CDYL: variants seen among roughly 807,000 people sequenced by gnomAD.
CDYL encodes chromodomain Y like.
CDYL carries 8 observed loss-of-function variants against 47.3 expected under a neutral mutation model. That is an observed-to-expected ratio of 0.17 (90% CI 0.10 to 0.31). The LOEUF (loss-of-function observed/expected upper bound fraction) is 0.31. CDYL is among the 10% of genes least tolerant of loss of function. The probability of loss-of-function intolerance (pLI) is 1.00; values close to 1 mark genes in which losing one functional copy is unlikely to be tolerated. For synonymous variants in CDYL, 266 were observed against 265.0 expected, an observed-to-expected ratio of 1.00 and a Z score of -0.04; for missense variants, 471 against 701.4, an observed-to-expected ratio of 0.67 and a Z score of 3.71.
intron 1 of CDYL, among the ~76,000 whole-genome samples, chr6:4,801,781 A>G (rs1226900509): frequency 1.3e-5 from 2 of 152,174 alleles, no homozygotes; most frequent in Non-Finnish European, 2.9e-5. Context: ...TTCAAGCTTT[A>G]TGCCGCCCTA....
chr6:4,880,220 C>G (rs1418335705), intron 1 of CDYL, among the ~76,000 whole-genome samples: 1 of 152,110 alleles, frequency 6.6e-6, no homozygotes, highest in Non-Finnish European at 1.5e-5. Context: ...AACCAGTGAG[C>G]TTTGTACTGT....
chr6:4,796,464 A>G (rs1392406893), intron 1 of CDYL, among the ~76,000 whole-genome samples: 1 of 152,198 alleles, frequency 6.6e-6, no homozygotes, highest in East Asian at 1.9e-4. Flanking sequence ...TGAAGTATTT[A>G]CTATACCCTT....
intron 1 of CDYL, among the ~76,000 whole-genome samples, chr6:4,793,335 G>A (rs970122389): frequency 2.6e-5 from 4 of 152,132 alleles, no homozygotes; most frequent in African/African-American, 7.2e-5. Flanking sequence ...AGTGAGAATC[G>A]GAGTGCTAGT....
intron 2 of CDYL, among the ~76,000 whole-genome samples, chr6:4,903,723 C>G (rs191546366): frequency 6.6e-6 from 1 of 152,324 alleles, no homozygotes; most frequent in Admixed American, 6.5e-5. Flanking sequence ...TTACTTGATT[C>G]ATGTTACTTG....
At chr6:4,852,540 C>CAA (rs1760877219) in intron 1 of CDYL, among the ~76,000 whole-genome samples, 1 of 101,104 alleles carries the variant, frequency 9.9e-6, no homozygotes, top group East Asian at 2.8e-4. Context: ...TCCAATCTTC[C>CAA]TTCCTTCCTT....
At chr6:4,865,517 C>T (rs808597) in intron 1 of CDYL, among the ~76,000 whole-genome samples, 6,652 of 152,202 alleles carry the variant, frequency 0.044, 470 homozygotes, top group African/African-American at 0.15. Flanking sequence ...AATTTATGTT[C>T]GAGTGCTGTT....
intron 1 of CDYL, among the ~76,000 whole-genome samples, chr6:4,885,980 G>A (rs1482356079): frequency 6.6e-6 from 1 of 151,978 alleles, no homozygotes; most frequent in African/African-American, 2.4e-5. Context: ...GGCCCATTCC[G>A]GTTATTTTTT....
chr6:4,930,087 T>C (rs118013418), intron 2 of CDYL, among the ~76,000 whole-genome samples: 3,990 of 152,340 alleles, frequency 0.026, 82 homozygotes, highest in East Asian at 0.039. Context: ...ACTGCTGATA[T>C]GTGCCTGATC....
At chr6:4,885,701 T>C (rs74669434) in intron 1 of CDYL, among the ~76,000 whole-genome samples, 2,203 of 152,338 alleles carry the variant, frequency 0.014, 59 homozygotes, top group African/African-American at 0.05. Context: ...TTAGCTCTTA[T>C]TCTTCTGAAA....
rs183983807 is a variant in CDYL at position 4,817,805 on chromosome 6, C to T, written c.24+40998C>T. Among the ~76,000 whole-genome samples, 38 of 152,284 alleles carry T rather than the reference C, an allele frequency of 2.5e-4. No homozygotes were observed. The East Asian group carries it at 7.3e-3, about 29-fold the overall frequency. ...AATTAGATGAATTTGTCTGTAGTCTCATTGCTTGAGACAAAATATCTTCTA... is the reference window on the plus strand; with the variant it reads ...AATTAGATGAATTTGTCTGTAGTCTTATTGCTTGAGACAAAATATCTTCTA... On this transcript the variant is annotated intron_variant, in intron 1 of 6. Transcript: ENST00000397588.
chr6:4,822,997 C>T (rs12197283), intron 1 of CDYL, among the ~76,000 whole-genome samples: 5,771 of 152,220 alleles, frequency 0.038, 150 homozygotes, highest in Non-Finnish European at 0.061. Context: ...TGTGCTCTGA[C>T]GTAGACATGG....
At chr6:4,817,700 T>G (rs2127447040) in intron 1 of CDYL, among the ~76,000 whole-genome samples, 1 of 152,318 alleles carries the variant, frequency 6.6e-6, no homozygotes, top group East Asian at 1.9e-4. Context: ...CGTTTTTGTA[T>G]TATTCATGAC....
At chr6:4,828,816 T>G (rs1201805462) in intron 1 of CDYL, among the ~76,000 whole-genome samples, 1 of 152,188 alleles carries the variant, frequency 6.6e-6, no homozygotes, top group Admixed American at 6.5e-5. Flanking sequence ...CTTTACTTTC[T>G]ACTTTTCAGA....
At chr6:4,831,673 G>A (rs563550718) in intron 1 of CDYL, among the ~76,000 whole-genome samples, 3,952 of 151,858 alleles carry the variant, frequency 0.026, 169 homozygotes, top group African/African-American at 0.089. Flanking sequence ...CTTGGGCAGT[G>A]TGGCCATTTT....
intron 3 of CDYL, among the ~76,000 whole-genome samples, chr6:4,745,601 A>T (rs1757879870): frequency 6.6e-6 from 1 of 152,102 alleles, no homozygotes; most frequent in Non-Finnish European, 1.5e-5. Context: ...TTAAAAAAAA[A>T]AAGTTAAATA....
At chr6:4,790,870 G>A (rs1758898124) in intron 1 of CDYL, among the ~76,000 whole-genome samples, 2 of 152,178 alleles carry the variant, frequency 1.3e-5, no homozygotes, top group Admixed American at 1.3e-4. Flanking sequence ...CTGTAATGAA[G>A]CACAAAAGAT....
intron 1 of CDYL, among the ~76,000 whole-genome samples, chr6:4,833,455 T>G (rs1760205442): frequency 1.3e-5 from 2 of 151,964 alleles, no homozygotes; most frequent in African/African-American, 4.9e-5. Flanking sequence ...TTACAATTTC[T>G]GTTCTTTTAC....
intron 3 of CDYL, among the ~76,000 whole-genome samples, chr6:4,766,145 A>T (rs917879608): frequency 2.6e-5 from 4 of 152,208 alleles, no homozygotes; most frequent in Admixed American, 1.3e-4. Flanking sequence ...AACTTTGAAA[A>T]TTTAGATGAA....
At chr6:4,790,349 G>A (rs763128874) in intron 1 of CDYL, among the ~76,000 whole-genome samples, 2 of 152,206 alleles carry the variant, frequency 1.3e-5, no homozygotes, top group Non-Finnish European at 2.9e-5. Flanking sequence ...GCTTGTCAGA[G>A]TTCAGGAGGT....
Sources: allele counts gnomAD v4.1 joint callset (sites outside exome capture counted in the v4.1 genomes callset), GRCh38; gene constraint gnomAD v4.1.1; transcripts MANE v1.5; gene names NCBI Gene and HGNC (gene_info 2026-07-23, HGNC 2026-07-21).